EMSY: variants seen among roughly 807,000 people sequenced by gnomAD.
EMSY encodes EMSY transcriptional repressor, BRCA2 interacting.
EMSY carries 26 observed loss-of-function variants against 134.6 expected under a neutral mutation model. The ratio of observed to expected loss-of-function variants is 0.19; its 90% CI spans 0.14 to 0.27. The LOEUF (loss-of-function observed/expected upper bound fraction) is 0.27. Ranked by LOEUF, EMSY falls within the 10% of genes least tolerant of loss-of-function variation. EMSY has a pLI of 1.00. For missense variants in EMSY, 1,305 were observed against 1,611.4 expected, an observed-to-expected ratio of 0.81 and a Z score of 3.26; for synonymous variants, 579 against 577.8, an observed-to-expected ratio of 1.00 and a Z score of -0.03.
At chr11:76,540,116 G>A (rs1383759221) in intron 17 of EMSY, among the ~76,000 whole-genome samples, 5 of 152,100 alleles carry the variant, frequency 3.3e-5, no homozygotes, top group African/African-American at 9.7e-5. Context: ...TTTTTAAATA[G>A]ACTTAGTTGA....
At chr11:76,469,225 C>A (rs928553428) in intron 7 of EMSY, among the ~76,000 whole-genome samples, 1 of 152,160 alleles carries the variant, frequency 6.6e-6, no homozygotes, top group African/African-American at 2.4e-5. Context: ...GTGAATGCTT[C>A]CCTTGCCCTT....
intron 1 of EMSY, 36 bp from the exon 2 acceptor site, chr11:76,446,864 C>T (rs2134675225): frequency 6.9e-7 from 1 of 1,451,710 alleles, no homozygotes; most frequent in Non-Finnish European, 9.5e-7. Flanking sequence ...TACTTTGGTA[C>T]TTTGGTAATT....
intron 8 of EMSY, among the ~76,000 whole-genome samples, chr11:76,495,717 G>A (rs771677634): frequency 1.3e-5 from 2 of 152,000 alleles, no homozygotes; most frequent in Non-Finnish European, 2.9e-5. Context: ...CATTCTCAGA[G>A]AAAAGGGAAT....
At chr11:76,546,577 A>C (rs1951662111) in intron 20 of EMSY, among the ~76,000 whole-genome samples, 2 of 152,200 alleles carry the variant, frequency 1.3e-5, no homozygotes, top group Non-Finnish European at 1.5e-5. Context: ...TGTAAGATAC[A>C]AGCTATACTT....
At chr11:76,445,619 C>T (rs1175078599) in intron 1 of EMSY, among the ~76,000 whole-genome samples, 1 of 152,094 alleles carries the variant, frequency 6.6e-6, no homozygotes. Context: ...GGGAAGGATC[C>T]TACAAGATCC....
Position 76,526,652 on chromosome 11 carries a change from G to T in EMSY, c.1995+17G>T. The stretch of plus-strand genomic sequence containing the variant: ...AAAACGCAGGTATGCTATAAGATAT[G>T]ATGATTTTTCTTGGCTCTTAAATAT... On this transcript the variant is annotated intron_variant, in intron 13 of 20. Coordinates refer to ENST00000334736, the Ensembl canonical transcript of EMSY. 1 of 1,571,722 alleles carries T rather than the reference G, an allele frequency of 6.4e-7. No homozygotes were observed.
At chr11:76,474,057 G>A (rs1948684155) in intron 8 of EMSY, among the ~76,000 whole-genome samples, 1 of 150,690 alleles carries the variant, frequency 6.6e-6, no homozygotes, top group South Asian at 2.1e-4. Context: ...TTGAACCCGG[G>A]AGGTGGAGAT....
chr11:76,551,977 A>G (rs1490280489), downstream of EMSY: 3 of 152,188 alleles, frequency 2.0e-5, no homozygotes, highest in Non-Finnish European at 4.4e-5. Context: ...TGTTCTACAT[A>G]TTTTGGCAGC....
At chr11:76,540,278 T>C (rs1951383664) in intron 17 of EMSY, among the ~76,000 whole-genome samples, 1 of 152,192 alleles carries the variant, frequency 6.6e-6, no homozygotes, top group African/African-American at 2.4e-5. Flanking sequence ...TCTGATGCTT[T>C]CATTTAAAAA....
Position 76,490,853 on chromosome 11 carries a change from GGGGTGTGT to G in EMSY, c.1109-5360_1109-5353del, listed in dbSNP as rs1301999202. Reference sequence around the variant, plus strand: ...GGGTTCTGGATATGTTCATTGCTAGGGGGTGTGTGTGTGTGTGTGTGTGTGTGTAAACA... The same window carrying G: ...GGGTTCTGGATATGTTCATTGCTAGGGTGTGTGTGTGTGTGTGTGTAAACA... On this transcript the variant is annotated intron_variant, in intron 8 of 20. Coordinates refer to ENST00000334736, the Ensembl canonical transcript of EMSY. Among the ~76,000 whole-genome samples, 8 of 149,366 alleles carry G rather than the reference GGGGTGTGT, an allele frequency of 5.4e-5. No homozygotes were observed. In the East Asian group the frequency reaches 7.8e-4, roughly 15 times the overall value.
intron 11 of EMSY, chr11:76,516,979 T>C (rs1038205549): frequency 6.6e-6 from 1 of 152,222 alleles, no homozygotes; most frequent in Non-Finnish European, 1.5e-5. Flanking sequence ...CTGCAGTTCT[T>C]GGGTTGTGGA....
intron 13 of EMSY, among the ~76,000 whole-genome samples, 164 bp from the exon 15 acceptor site, chr11:76,528,104 G>A (rs11236775): frequency 0.14 from 20,627 of 152,098 alleles, 1,764 homozygotes; most frequent in East Asian, 0.28. Flanking sequence ...ACTGTAATTT[G>A]TCTGTAGATT....
At chr11:76,505,017 G>T (rs1448190914) in intron 9 of EMSY, among the ~76,000 whole-genome samples, 1 of 152,142 alleles carries the variant, frequency 6.6e-6, no homozygotes, top group African/African-American at 2.4e-5. Context: ...GAATGAATGG[G>T]TGCAAGGAGT....
chr11:76,453,314 C>T, exon 4 of EMSY: 2 of 1,612,114 alleles, frequency 1.2e-6, no homozygotes, highest in Non-Finnish European at 1.7e-6. Flanking sequence ...TTCTTCATAG[C>T]ATCTCAACAG....
At chr11:76,526,368 A>T (rs1178474185) in intron 12 of EMSY, 94 bp from the exon 14 acceptor site, 1 of 899,482 alleles carries the variant, frequency 1.1e-6, no homozygotes, top group African/African-American at 1.7e-5. Context: ...CCCTTTTTTC[A>T]TCATCCTGGT....
intron 5 of EMSY, chr11:76,459,416 ATGT>A (rs536767663): frequency 1.8e-3 from 283 of 153,820 alleles, no homozygotes; most frequent in Middle Eastern, 6.8e-3. Flanking sequence ...TTGAAATATG[ATGT>A]TGTCATTATT....
chr11:76,467,236 GC>G (rs1200399060), intron 7 of EMSY, among the ~76,000 whole-genome samples: 1 of 152,112 alleles, frequency 6.6e-6, no homozygotes, highest in Admixed American at 6.6e-5. Flanking sequence ...AGTCTGCTGT[GC>G]CCTGAATTTT....
chr11:76,453,598 A>C (rs1043673773), intron 4 of EMSY: 11 of 397,684 alleles, frequency 2.8e-5, no homozygotes, highest in Non-Finnish European at 5.0e-5. Context: ...TTAAGTACTC[A>C]GGTCAAATCC....
At chr11:76,495,689 A>AT (rs982165163) in intron 8 of EMSY, among the ~76,000 whole-genome samples, 2 of 151,940 alleles carry the variant, frequency 1.3e-5, no homozygotes, top group Admixed American at 6.6e-5. Context: ...TTTTATTAAA[A>AT]TTTTTTTTCC....
Sources: gnomAD v4.1 joint callset for allele counts (sites outside exome capture counted in the v4.1 genomes callset) on GRCh38, gnomAD v4.1.1 for gene constraint, MANE v1.5 for transcripts, NCBI Gene and HGNC (gene_info 2026-07-23, HGNC 2026-07-21) for gene names.